The following ATRX variants were observed in gnomAD, a reference collection of about 807,000 sequenced individuals.
ATRX encodes the protein ATRX chromatin remodeler, also known as chromatin remodeler ATRX.
A neutral mutation model predicts 172.6 loss-of-function variants in ATRX; 12 were observed. The ratio of observed to expected loss-of-function variants is 0.07; its 90% confidence interval spans 0.04 to 0.11. The LOEUF is 0.11. Among genes scored for constraint, ATRX ranks in the 10% least tolerant of loss-of-function variants. The pLI, the probability that ATRX is intolerant of heterozygous loss-of-function variation, is 1.00. For synonymous variants in ATRX, 674 were observed against 594.7 expected (o/e 1.13, Z -1.94); for missense variants, 1,368 against 1,767.4 (o/e 0.77, Z 4.05).
intron 5 of ATRX, among the ~76,000 whole-genome samples, chrX:77,696,035 G>A (rs1557149647): frequency 2.7e-5 from 3 of 111,888 alleles, no homozygotes; most frequent in Non-Finnish European, 5.7e-5. Context: ...TATTAACAAG[G>A]TTTTATGGTT....
intron 1 of ATRX, among the ~76,000 whole-genome samples, chrX:77,742,950 T>A (rs782274893): frequency 2.6e-4 from 29 of 111,021 alleles, no homozygotes; most frequent in Non-Finnish European, 5.1e-4. Context: ...CTCATAACTG[T>A]GAGCAGTACG....
intron 19 of ATRX, among the ~76,000 whole-genome samples, chrX:77,624,675 T>C (rs1230980957): frequency 9.0e-6 from 1 of 111,471 alleles, no homozygotes; most frequent in African/African-American, 3.3e-5. Context: ...AAGATAGGAA[T>C]ATACCTAACA....
intron 1 of ATRX, among the ~76,000 whole-genome samples, chrX:77,740,374 T>C (rs1253513738): frequency 1.8e-5 from 2 of 110,789 alleles, no homozygotes; most frequent in African/African-American, 6.6e-5. Flanking sequence ...ATCCCAGTCT[T>C]AGAGGGGCCC....
chrX:77,545,683 G>A (rs1432018016), intron 30 of ATRX, among the ~76,000 whole-genome samples: 7 of 111,635 alleles, frequency 6.3e-5, no homozygotes, highest in Non-Finnish European at 1.3e-4. Flanking sequence ...GAGGCTAGAA[G>A]AGCAGGCATT....
chrX:77,710,303 A>T (rs957965745), intron 2 of ATRX, among the ~76,000 whole-genome samples: 24 of 103,593 alleles, frequency 2.3e-4, no homozygotes, highest in African/African-American at 8.3e-4. Context: ...CATTTCAATA[A>T]AAAAAAAAAA....
intron 34 of ATRX, among the ~76,000 whole-genome samples, chrX:77,513,728 A>G (rs1557037788): frequency 9.0e-6 from 1 of 111,596 alleles, no homozygotes; most frequent in Admixed American, 9.5e-5. Context: ...CACCACTCCT[A>G]TTCAACATAG....
intron 21 of ATRX, among the ~76,000 whole-genome samples, chrX:77,618,446 G>C (rs2067447381): frequency 9.0e-6 from 1 of 111,644 alleles, no homozygotes; most frequent in Admixed American, 9.6e-5. Flanking sequence ...AAAAAAGTGA[G>C]ATTTATAATA....
rs111753951 is a variant in ATRX at position 77,729,212 on chromosome X, C to T, written c.21-11969G>A. 7.5e-5 allele frequency among the ~76,000 whole-genome samples: 8 copies of T among 107,000 alleles called. No individual in the cohort carries two copies. In the South Asian group the frequency reaches 2.4e-3, roughly 32 times the overall value. 92.9% of individuals were successfully genotyped at this position (107,000 alleles called of 115,157 possible). ...TGCATACAAGTCATACAATATCATA[C>T]CAACCATTAAATTTTAAAAGTTCAA... is the stretch of plus-strand genomic sequence containing the variant. On this transcript the variant is annotated intron_variant, in intron 1 of 34. Coordinates refer to ENST00000373344, the MANE Select transcript of ATRX (RefSeq NM_000489.6).
rs2148619107 is a variant in ATRX at position 77,683,667 on chromosome X, T to C, written c.1589A>G (p.Glu530Gly). ...AACTTCCATAGCAGTCTCAAGATTC[T>C]CAAAAATGTCTTCTGGAACTGAGGA... The part of the protein sequence containing the change: ...VPSSVPEDIF[E>G]NLETAMEVQS... Residue 530 changes from glutamate (E) to glycine (G), a missense_variant, in exon 9 of 35, where the codon GAG (glutamate) becomes GGG (glycine). By Grantham distance (98) the Glu-to-Gly change is moderately conservative. Coordinates refer to ENST00000373344, the MANE Select transcript of ATRX (RefSeq NM_000489.6). 1 of 1,211,450 alleles carries C rather than the reference T, an allele frequency of 8.3e-7. No individual in the cohort carries two copies. The highest frequency in any genetic ancestry group is 1.1e-6 in the Non-Finnish European group (1 of 895,145).
chrX:77,617,883 A>C (rs2148251740), intron 21 of ATRX, among the ~76,000 whole-genome samples: 1 of 109,124 alleles, frequency 9.2e-6, no homozygotes, highest in East Asian at 2.9e-4. Flanking sequence ...TGGCTGGCTA[A>C]TTTTTTAAAA....
intron 2 of ATRX, among the ~76,000 whole-genome samples, chrX:77,709,964 G>A (rs1292113607): frequency 6.3e-5 from 7 of 111,519 alleles, no homozygotes; most frequent in African/African-American, 2.3e-4. Flanking sequence ...CTGAAATCAG[G>A]AATCGGCCCA....
At chrX:77,560,844 A>G (rs1250238931) in intron 28 of ATRX, among the ~76,000 whole-genome samples, 1 of 111,796 alleles carries the variant, frequency 8.9e-6, no homozygotes, top group African/African-American at 3.2e-5. Flanking sequence ...AAAGTTGACC[A>G]ATTTTGAAGA....
At chrX:77,539,299 T>G (rs969092058) in intron 30 of ATRX, among the ~76,000 whole-genome samples, 7 of 110,979 alleles carry the variant, frequency 6.3e-5, no homozygotes. Context: ...TAAAAGTAGA[T>G]AGTATAAGCA....
At chrX:77,762,353 GA>G (rs1404215150) in intron 1 of ATRX, among the ~76,000 whole-genome samples, 6 of 102,425 alleles carry the variant, frequency 5.9e-5, no homozygotes, top group Non-Finnish European at 9.9e-5. Context: ...CACTAGAAGA[GA>G]TTTTTTTTAA....
chrX:77,549,623 C>T (rs2064389553), intron 30 of ATRX, among the ~76,000 whole-genome samples: 1 of 112,349 alleles, frequency 8.9e-6, no homozygotes, highest in Admixed American at 9.5e-5. Flanking sequence ...TGTTAAACTA[C>T]TTATAAGTCT....
At position 77,523,415 on chromosome X, in the gene ATRX, T is replaced by A. The variant is rs2147763478; in HGVS notation, c.6700-14A>T. ...AAGTATGGTATCCTGTTTAGAGGGG[T>A]TGAAATAAGAGACAATTATTTTTCC... is the stretch of plus-strand genomic sequence containing the variant. On this transcript the variant is annotated splice_polypyrimidine_tract_variant and intron_variant, in intron 30 of 34. Coordinates refer to ENST00000373344, the MANE Select transcript of ATRX (RefSeq NM_000489.6). 2 of 1,202,625 alleles carry A rather than the reference T, an allele frequency of 1.7e-6. No homozygotes were observed. Among genetic ancestry groups the A allele is most frequent in the Non-Finnish European group, 2.3e-6 (2 of 887,762 alleles).
intron 10 of ATRX, among the ~76,000 whole-genome samples, chrX:77,671,164 AAAAATAT>A (rs2070571336): frequency 2.0e-5 from 1 of 49,546 alleles, no homozygotes; most frequent in African/African-American, 6.4e-5. Context: ...AAAAAAAAAA[AAAAATAT>A]ATATATATAT....
intron 22 of ATRX, among the ~76,000 whole-genome samples, chrX:77,607,975 T>C (rs2066988228): frequency 9.0e-6 from 1 of 110,794 alleles, no homozygotes; most frequent in Non-Finnish European, 1.9e-5. Flanking sequence ...AGACCCAGAA[T>C]AGTGAAAGCT....
intron 1 of ATRX, among the ~76,000 whole-genome samples, chrX:77,746,381 TAAAA>T (rs1414325351): frequency 9.0e-6 from 1 of 111,729 alleles, no homozygotes; most frequent in Non-Finnish European, 1.9e-5. Flanking sequence ...TTTCATTAAT[TAAAA>T]AAAGACAACT....
Sources: gnomAD v4.1 joint callset for allele counts (sites outside exome capture counted in the v4.1 genomes callset) on GRCh38, gnomAD v4.1.1 for gene constraint, MANE v1.5 for transcripts, NCBI Gene and HGNC (gene_info 2026-07-23, HGNC 2026-07-21) for gene names.